Variants in OTUD7A observed in about 807,000 individuals in gnomAD.
The protein encoded by OTUD7A is OTU domain-containing protein 7A.
Under a neutral mutation model 65.7 loss-of-function variants are expected in OTUD7A, and 12 were observed. That is an observed-to-expected ratio of 0.18 (90% CI 0.12 to 0.30). The LOEUF (loss-of-function observed/expected upper bound fraction) is 0.30. Among genes scored for constraint, OTUD7A ranks in the 10% least tolerant of loss-of-function variants. OTUD7A has a pLI of 1.00. For synonymous variants in OTUD7A, 641 were observed against 586.3 expected (o/e 1.09, Z -1.35); for missense variants, 1,148 against 1,304.8 (o/e 0.88, Z 1.85).
intron 1 of OTUD7A, among the ~76,000 whole-genome samples, chr15:31,790,945 T>A (rs559198397): frequency 6.6e-6 from 1 of 152,348 alleles, no homozygotes; most frequent in East Asian, 1.9e-4. Context: ...TTCCACAGTA[T>A]TCATGGTAGA....
intron 1 of OTUD7A, among the ~76,000 whole-genome samples, chr15:31,777,777 T>C (rs985852434): frequency 6.6e-6 from 1 of 151,468 alleles, no homozygotes; most frequent in Non-Finnish European, 1.5e-5. Flanking sequence ...AGTGAGGGAG[T>C]TCTGGGGGCA....
chr15:31,503,581 G>T (rs770969529), intron 9 of OTUD7A, 110 bp downstream of exon 9: 40 of 1,397,824 alleles, frequency 2.9e-5, no homozygotes, highest in Non-Finnish European at 4.0e-5. Context: ...TGCACAGAGT[G>T]ATGCTTTGTG....
intron 3 of OTUD7A, among the ~76,000 whole-genome samples, chr15:31,651,657 T>A (rs1891841702): frequency 1.3e-5 from 2 of 151,212 alleles, no homozygotes; most frequent in Admixed American, 1.3e-4. Flanking sequence ...TTTAGCAAGA[T>A]TGCAGGATGC....
chr15:31,619,621 T>A (rs1276783986), intron 3 of OTUD7A, among the ~76,000 whole-genome samples: 1 of 152,054 alleles, frequency 6.6e-6, no homozygotes, highest in Non-Finnish European at 1.5e-5. Context: ...TGATTTTGTA[T>A]CCTGAGACTT....
intron 1 of OTUD7A, among the ~76,000 whole-genome samples, chr15:31,693,640 C>T (rs964991906): frequency 4.6e-5 from 7 of 152,136 alleles, no homozygotes; most frequent in African/African-American, 1.7e-4. Context: ...ACGCTGTGGA[C>T]ACACCGCGTG....
At chr15:31,811,501 G>C (rs1896414976) in intron 1 of OTUD7A, among the ~76,000 whole-genome samples, 1 of 152,002 alleles carries the variant, frequency 6.6e-6, no homozygotes, top group Non-Finnish European at 1.5e-5. Flanking sequence ...GTGTATGTAA[G>C]TGCATGGGTA....
At chr15:31,643,965 C>A (rs981677653) in intron 3 of OTUD7A, among the ~76,000 whole-genome samples, 1 of 152,072 alleles carries the variant, frequency 6.6e-6, no homozygotes, top group Non-Finnish European at 1.5e-5. Context: ...GGAGCTTGCA[C>A]GGGGGGATGC....
At chr15:31,588,620 C>T (rs556847987) in intron 3 of OTUD7A, among the ~76,000 whole-genome samples, 2 of 152,210 alleles carry the variant, frequency 1.3e-5, no homozygotes, top group Non-Finnish European at 2.9e-5. Context: ...AGCCTCCTGC[C>T]TCCCATCAGG....
chr15:31,578,068 G>A (rs546720385), intron 3 of OTUD7A, among the ~76,000 whole-genome samples: 11 of 152,114 alleles, frequency 7.2e-5, no homozygotes, highest in South Asian at 2.1e-4. Context: ...AAGGCCCCCC[G>A]ACAACCATCT....
At chr15:31,758,561 C>G (rs1342468037) in intron 1 of OTUD7A, among the ~76,000 whole-genome samples, 1 of 152,216 alleles carries the variant, frequency 6.6e-6, no homozygotes, top group East Asian at 1.9e-4. Flanking sequence ...ACTGCTCGAA[C>G]CAGAGAGCAG....
chr15:31,850,551 A>G (rs528489476), intron 1 of OTUD7A, among the ~76,000 whole-genome samples: 1 of 134,816 alleles, frequency 7.4e-6, no homozygotes, highest in Non-Finnish European at 1.7e-5. Context: ...CTCAAACTTA[A>G]AGTATAATAA....
intron 1 of OTUD7A, among the ~76,000 whole-genome samples, chr15:31,704,914 C>T (rs1391014514): frequency 6.6e-6 from 1 of 151,852 alleles, no homozygotes; most frequent in African/African-American, 2.4e-5. Flanking sequence ...TCAAAGAAAA[C>T]CCCCCTGGAT....
chr15:31,744,616 T>C (rs188802305), intron 1 of OTUD7A, among the ~76,000 whole-genome samples: 21 of 152,240 alleles, frequency 1.4e-4, no homozygotes, highest in Admixed American at 1.1e-3. Context: ...TGATGAAACG[T>C]TGAATTATTT....
intron 3 of OTUD7A, among the ~76,000 whole-genome samples, chr15:31,637,455 T>C (rs531658540): frequency 6.6e-6 from 1 of 152,350 alleles, no homozygotes; most frequent in South Asian, 2.1e-4. Context: ...CCAAGAGCTC[T>C]GATGAAGATG....
intron 1 of OTUD7A, among the ~76,000 whole-genome samples, chr15:31,761,093 T>C (rs1894950140): frequency 1.3e-5 from 2 of 152,202 alleles, no homozygotes; most frequent in South Asian, 2.1e-4. Context: ...GAAGAAAACA[T>C]AGCAGTAAAT....
intron 1 of OTUD7A, among the ~76,000 whole-genome samples, chr15:31,763,572 T>C (rs1043160750): frequency 1.3e-5 from 2 of 152,102 alleles, no homozygotes; most frequent in African/African-American, 2.4e-5. Context: ...AACATTTGTG[T>C]CACCAAAGTC....
intron 4 of OTUD7A, among the ~76,000 whole-genome samples, chr15:31,562,639 G>A (rs1349297023): frequency 6.6e-6 from 1 of 151,840 alleles, no homozygotes; most frequent in African/African-American, 2.4e-5. Context: ...TCATTTCTGT[G>A]TCTGCGTGTC....
At chr15:31,520,407 C>T (rs1033791918) in intron 8 of OTUD7A, among the ~76,000 whole-genome samples, 15 of 152,192 alleles carry the variant, frequency 9.9e-5, no homozygotes, top group East Asian at 9.6e-4. Context: ...ATTCATTTTG[C>T]GTCATTCACT....
At chr15:31,728,134 C>G (rs2141357205) in intron 1 of OTUD7A, among the ~76,000 whole-genome samples, 1 of 152,336 alleles carries the variant, frequency 6.6e-6, no homozygotes, top group South Asian at 2.1e-4. Context: ...TGGCTGTCTT[C>G]TTTGAATTGG....
Sources: gnomAD v4.1 joint callset for allele counts (sites outside exome capture counted in the v4.1 genomes callset) on GRCh38, gnomAD v4.1.1 for gene constraint, MANE v1.5 for transcripts, NCBI Gene and HGNC (gene_info 2026-07-23, HGNC 2026-07-21) for gene names.